Variants in FAM216A observed in about 807,000 individuals in gnomAD.
FAM216A encodes protein FAM216A.
Under a neutral mutation model 37.6 loss-of-function variants are expected in FAM216A, and 26 were observed. The ratio of observed to expected loss-of-function variants is 0.69; its 90% CI spans 0.51 to 0.96. The LOEUF is 0.96. Among genes scored for constraint, FAM216A ranks in the 40% least tolerant of loss-of-function variants. FAM216A has a pLI of 0.00. For missense variants in FAM216A, 326 were observed against 339.3 expected, an observed-to-expected ratio of 0.96 and a Z score of 0.31; for synonymous variants, 110 against 121.7, an observed-to-expected ratio of 0.90 and a Z score of 0.64.
intron 2 of FAM216A, among the ~76,000 whole-genome samples, chr12:110,482,567 G>C (rs774483817): frequency 2.0e-5 from 3 of 151,268 alleles, no homozygotes; most frequent in African/African-American, 7.3e-5. Context: ...AGGCTGAGGC[G>C]GTCAGATCAC....
intron 1 of FAM216A, among the ~76,000 whole-genome samples, chr12:110,471,348 C>T (rs2062686158): frequency 6.6e-6 from 1 of 152,200 alleles, no homozygotes; most frequent in Admixed American, 6.6e-5. Context: ...CTCGGCCTCC[C>T]AGAGTGCTGG....
intron 3 of FAM216A, among the ~76,000 whole-genome samples, 153 bp downstream of exon 3, chr12:110,485,352 ACT>A (rs1448193527): frequency 1.3e-5 from 2 of 152,158 alleles, no homozygotes; most frequent in Non-Finnish European, 2.9e-5. Context: ...CTTTGAGTAA[ACT>A]CATGAATGAA....
At chr12:110,475,302 T>C (rs2062708731) in intron 2 of FAM216A, among the ~76,000 whole-genome samples, 1 of 152,130 alleles carries the variant, frequency 6.6e-6, no homozygotes, top group African/African-American at 2.4e-5. Context: ...AGTGCAGTGG[T>C]GTAATCTTGG....
Position 110,487,928 on chromosome 12 carries a change from CTG to C in FAM216A, c.690_691del (p.Phe231HisfsTer8), listed in dbSNP as rs1160861067. 1.2e-6 allele frequency: 2 copies of C among 1,600,172 alleles called. No homozygotes were observed. Among genetic ancestry groups the C allele is most frequent in the Admixed American group, 1.7e-5 (1 of 58,656 alleles). ...GAAGATTTTTAGAAGACCAAGGAAA[CTG>C]TTCATGCAAACAGGTAAATGTGGAA... ...SLKIFRRPRK[L>X]FMQTVSSDDS... On this transcript the variant is annotated frameshift_variant, in exon 6 of 7. Transcript: ENST00000377673. LOFTEE classifies it high-confidence loss of function.
At chr12:110,477,572 G>A in intron 2 of FAM216A, among the ~76,000 whole-genome samples, 1 of 151,866 alleles carries the variant, frequency 6.6e-6, no homozygotes, top group East Asian at 1.9e-4. Context: ...TAGCCAGGAT[G>A]GTGTCTATCT....
chr12:110,477,530 T>C (rs2062721525), intron 2 of FAM216A, among the ~76,000 whole-genome samples: 1 of 151,078 alleles, frequency 6.6e-6, no homozygotes, highest in East Asian at 2.0e-4. Flanking sequence ...TTTTTTTGTA[T>C]TTTTTTTAGT....
intron 6 of FAM216A, among the ~76,000 whole-genome samples, chr12:110,489,566 TA>T (rs2062799182): frequency 6.6e-6 from 1 of 150,630 alleles, no homozygotes; most frequent in Admixed American, 6.6e-5. Context: ...AGCTTTGCTG[TA>T]AATATCGTAC....
At chr12:110,475,631 G>C (rs2062710686) in intron 2 of FAM216A, among the ~76,000 whole-genome samples, 1 of 151,336 alleles carries the variant, frequency 6.6e-6, no homozygotes, top group African/African-American at 2.4e-5. Context: ...GAATGCAGTG[G>C]TGCAATCTCA....
rs1257159345 is a variant in FAM216A at position 110,486,609 on chromosome 12, G to A, written c.512G>A (p.Arg171Gln). The A allele has an allele frequency of 6.8e-6, 11 of 1,613,992 alleles. No individual in the cohort carries two copies. Among genetic ancestry groups the A allele is most frequent in the Admixed American group, 1.7e-5 (1 of 59,978 alleles). Residue 171 changes from arginine (R) to glutamine (Q), a missense_variant, in exon 5 of 7, where the codon CGA becomes CAA. Physicochemically the swap from Arg to Gln is conservative, Grantham distance 43 (BLOSUM62 1). Coordinates refer to ENST00000377673, the MANE Select transcript of FAM216A (RefSeq NM_013300.3). Reference protein sequence around the residue: ...QKQHYPCTTWRHQLEREDSGS... With the variant: ...QKQHYPCTTWQHQLEREDSGS... ...CAGCATTACCCTTGCACTACATGGC[G>A]ACATCAACTGGAGAGAGAGGACTCG...
chr12:110,472,886 G>GA (rs925174496), intron 1 of FAM216A, among the ~76,000 whole-genome samples, 192 bp from the exon 2 acceptor site: 9 of 136,838 alleles, frequency 6.6e-5, no homozygotes, highest in African/African-American at 2.5e-4. Context: ...TGAGGTGGGA[G>GA]AATCACTTGA....
intron 2 of FAM216A, among the ~76,000 whole-genome samples, 180 bp from the exon 3 acceptor site, chr12:110,484,898 C>T (rs1290920082): frequency 6.6e-6 from 1 of 152,056 alleles, no homozygotes; most frequent in Non-Finnish European, 1.5e-5. Flanking sequence ...GACAGGGTTT[C>T]ACCGTGTTAG....
At chr12:110,471,878 G>A (rs968301193) in intron 1 of FAM216A, among the ~76,000 whole-genome samples, 1 of 152,150 alleles carries the variant, frequency 6.6e-6, no homozygotes, top group South Asian at 2.1e-4. Flanking sequence ...GAATTTGTAC[G>A]AAATTAGAAA....
In FAM216A at chr12:110,486,543, C is replaced by T; in HGVS notation, c.446C>T (p.Thr149Ile). The T allele has an allele frequency of 1.2e-6, 2 of 1,613,042 alleles. No individual in the cohort carries two copies. The highest frequency in any genetic ancestry group is 3.3e-5 in the Admixed American group (2 of 59,918). Residue 149 changes from threonine to isoleucine, a missense_variant, in exon 5 of 7, where the codon ACT becomes ATT. Thr to Ile is a moderately conservative substitution (Grantham distance 89). Coordinates refer to ENST00000377673, the MANE Select transcript of FAM216A (RefSeq NM_013300.3). ...GTGATTTGTATCACAGGTGTCCTCA[C>T]TCATCACAGAAGCCGCCTTAGCTCC... The part of the protein sequence containing the change: ...QHSSQKPGVL[T>I]HHRSRLSSRY...
chr12:110,473,652 C>T (rs139090100), intron 2 of FAM216A, among the ~76,000 whole-genome samples: 2 of 152,146 alleles, frequency 1.3e-5, no homozygotes. Context: ...AGCAGTGAAT[C>T]CTAAAAGAAC....
chr12:110,488,200 A>G (rs1006778902), intron 6 of FAM216A, among the ~76,000 whole-genome samples: 21 of 152,134 alleles, frequency 1.4e-4, no homozygotes, highest in Non-Finnish European at 2.4e-4. Context: ...ACCTGAGGTC[A>G]AGAGTTCGAG....
At chr12:110,470,971 C>T (rs1383113159) in intron 1 of FAM216A, among the ~76,000 whole-genome samples, 1 of 152,080 alleles carries the variant, frequency 6.6e-6, no homozygotes, top group Non-Finnish European at 1.5e-5. Flanking sequence ...CTACATGATA[C>T]AATGTTGGCA....
intron 2 of FAM216A, among the ~76,000 whole-genome samples, chr12:110,482,445 A>C (rs994450510): frequency 1.3e-5 from 2 of 152,184 alleles, no homozygotes; most frequent in Non-Finnish European, 2.9e-5. Flanking sequence ...GAAACTACCC[A>C]AATGTCTATC....
chr12:110,481,267 T>G (rs889026592), intron 2 of FAM216A, among the ~76,000 whole-genome samples: 2 of 152,236 alleles, frequency 1.3e-5, no homozygotes, highest in African/African-American at 4.8e-5. Context: ...CTTTCAGTTC[T>G]TTTGGAATTG....
intron 1 of FAM216A, among the ~76,000 whole-genome samples, chr12:110,469,598 C>T (rs1020477304): frequency 6.6e-6 from 1 of 152,112 alleles, no homozygotes; most frequent in African/African-American, 2.4e-5. Context: ...CAACCTCAGC[C>T]TCCCAGGTTC....
Sources: gnomAD v4.1 joint callset for allele counts (sites outside exome capture counted in the v4.1 genomes callset) on GRCh38, gnomAD v4.1.1 for gene constraint, MANE v1.5 for transcripts, NCBI Gene and HGNC (gene_info 2026-07-23, HGNC 2026-07-21) for gene names.